Variants in RAD54L2 observed in about 807,000 individuals in gnomAD.
RAD54L2 encodes helicase ARIP4.
A neutral mutation model predicts 138.4 loss-of-function variants in RAD54L2; 27 were observed. The ratio of observed to expected loss-of-function variants is 0.20; its 90% CI spans 0.14 to 0.27. RAD54L2 has a LOEUF of 0.27. Ranked by LOEUF, RAD54L2 falls within the 10% of genes least tolerant of loss-of-function variation. The pLI is 1.00. For synonymous variants in RAD54L2, 644 were observed against 723.2 expected (o/e 0.89, Z 1.76); for missense variants, 1,396 against 1,890.2 (o/e 0.74, Z 4.85).
At chr3:51,540,386 T>A (rs782347252) in intron 1 of RAD54L2, among the ~76,000 whole-genome samples, 2 of 152,216 alleles carry the variant, frequency 1.3e-5, no homozygotes, top group Non-Finnish European at 2.9e-5. Flanking sequence ...ACTAGAAGTA[T>A]TATCCATCTT....
intron 2 of RAD54L2, among the ~76,000 whole-genome samples, chr3:51,588,832 A>T (rs1487403092): frequency 6.6e-6 from 1 of 152,096 alleles, no homozygotes; most frequent in Non-Finnish European, 1.5e-5. Context: ...ACTTGGGTAA[A>T]ACATACTTCT....
At position 51,633,717 on chromosome 3, in the gene RAD54L2, C is replaced by G. The variant is rs761400009; in HGVS notation, c.966C>G (p.Leu322=). The G allele has an allele frequency of 1.2e-6, 2 of 1,613,978 alleles. No individual in the cohort carries two copies. The highest frequency in any genetic ancestry group is 2.2e-5 in the South Asian group (2 of 91,074). The change falls in exon 8 of 23, where the codon CTC becomes CTG. Residue 322 remains leucine, a synonymous_variant. Coordinates refer to ENST00000684192, the MANE Select transcript of RAD54L2 (RefSeq NM_015106.4). ...AAGTGATCTCTTTCATCGACGTCCT[C>G]TTCCGCCACACGCCAGCCAAAACAG... is the stretch of plus-strand genomic sequence containing the variant. The part of the protein sequence containing the change: ...TLQVISFIDV[L]FRHTPAKTVL...
intron 21 of RAD54L2, among the ~76,000 whole-genome samples, chr3:51,658,961 T>C (rs1701680561): frequency 6.6e-6 from 1 of 152,102 alleles, no homozygotes; most frequent in Admixed American, 6.5e-5. Flanking sequence ...ATTATATGAA[T>C]TTCACATTTC....
Position 51,643,846 on chromosome 3 carries a change from C to T in RAD54L2, c.2351-29C>T, listed in dbSNP as rs902096661. 5.9e-6 allele frequency: 9 copies of T among 1,517,864 alleles called. No individual in the cohort carries two copies. In the African/African-American group the frequency reaches 1.1e-4, roughly 19 times the overall value. 94.0% of individuals were successfully genotyped at this position (1,517,864 alleles called of 1,614,324 possible). On this transcript the variant is annotated intron_variant, in intron 15 of 22. Transcript: ENST00000684192. ...CTGTATATCCTTGCTCTAATATATC[C>T]ACTGCTTATGGTTTTCCTTCCTTCC... is the stretch of plus-strand genomic sequence containing the variant.
rs1169939947 is a variant in RAD54L2 at position 51,666,174 on chromosome 3, C to CTTTTTTTTTTTTTTTTTTT, written c.*2771_*2789dup. The CTTTTTTTTTTTTTTTTTTT allele has an allele frequency of 3.4e-5, 2 of 58,706 alleles. No homozygotes were observed. The highest frequency in any genetic ancestry group is 8.4e-5 in the African/African-American group (1 of 11,836). 3.6% of individuals were successfully genotyped at this position (58,706 alleles called of 1,614,324 possible). On this transcript the variant is annotated 3_prime_UTR_variant, in exon 23 of 23. Coordinates refer to ENST00000684192, the MANE Select transcript of RAD54L2 (RefSeq NM_015106.4). ...AGTGCTACCAGGTCCATGGTTTTTG[C>CTTTTTTTTTTTTTTTTTTT]TTTTTTTTTTTTTTTTTTTTTTTTT...
At chr3:51,544,849 TC>T (rs1354813897) in intron 2 of RAD54L2, among the ~76,000 whole-genome samples, 1 of 152,104 alleles carries the variant, frequency 6.6e-6, no homozygotes, top group Non-Finnish European at 1.5e-5. Flanking sequence ...GATCTGCCCA[TC>T]TTGGCCTCCC....
At chr3:51,614,075 A>G (rs915607050) in intron 3 of RAD54L2, among the ~76,000 whole-genome samples, 2 of 152,148 alleles carry the variant, frequency 1.3e-5, no homozygotes, top group Admixed American at 6.5e-5. Context: ...TAGCCCTGCT[A>G]TCTTTTAAAA....
rs778730370 is a variant in RAD54L2 at position 51,633,960 on chromosome 3, C to T, written c.1067C>T (p.Ala356Val). ...AACATGTGGCTTCCACCTCCTGAAGCCCTCCCGGCTGACAACAAGCCTGAA... is the reference window on the plus strand; with the variant it reads ...AACATGTGGCTTCCACCTCCTGAAGTCCTCCCGGCTGACAACAAGCCTGAA... ...EFNMWLPPPE[A>V]LPADNKPEEV... is the part of the protein sequence containing the mutation. The change falls in exon 9 of 23, where the codon GCC becomes GTC. Residue 356 changes from alanine to valine, a missense_variant. Ala to Val is a moderately conservative substitution (Grantham distance 64, BLOSUM62 0). Coordinates refer to ENST00000684192, the MANE Select transcript of RAD54L2 (RefSeq NM_015106.4). The T allele has an allele frequency of 6.2e-7, 1 of 1,613,758 alleles. No individual in the cohort carries two copies. Among genetic ancestry groups the T allele is most frequent in the African/African-American group, 1.3e-5 (1 of 74,912 alleles).
intron 4 of RAD54L2, among the ~76,000 whole-genome samples, chr3:51,628,609 T>TG (rs1318547677): frequency 6.6e-6 from 1 of 151,492 alleles, no homozygotes; most frequent in Non-Finnish European, 1.5e-5. Flanking sequence ...GAACTGGTCT[T>TG]GAACTCCTGG....
At chr3:51,629,601 G>A in intron 5 of RAD54L2, 128 bp downstream of exon 5, 3 of 1,205,142 alleles carry the variant, frequency 2.5e-6, no homozygotes, top group South Asian at 1.6e-5. Context: ...GCTCACGCCT[G>A]TAATCCCAGC....
intron 3 of RAD54L2, among the ~76,000 whole-genome samples, chr3:51,618,282 C>T (rs1178295475): frequency 6.6e-6 from 1 of 151,922 alleles, no homozygotes; most frequent in African/African-American, 2.4e-5. Flanking sequence ...AGATTGTGGC[C>T]AGATTGTGAC....
intron 2 of RAD54L2, among the ~76,000 whole-genome samples, chr3:51,555,231 C>G (rs1698935049): frequency 6.6e-6 from 1 of 152,118 alleles, no homozygotes; most frequent in Admixed American, 6.6e-5. Flanking sequence ...AAAGCCTCTC[C>G]CCTCCCCCAC....
chr3:51,560,604 G>T (rs972430021), intron 2 of RAD54L2, among the ~76,000 whole-genome samples: 1 of 151,968 alleles, frequency 6.6e-6, no homozygotes, highest in African/African-American at 2.4e-5. Flanking sequence ...TGATCCACCT[G>T]CCTCTGCCTC....
chr3:51,621,711 T>A lies in RAD54L2; in HGVS notation c.140-5842T>A, dbSNP rs1022634739. 3.3e-5 allele frequency among the ~76,000 whole-genome samples: 5 copies of A among 152,194 alleles called. No homozygotes were observed. In the South Asian group the frequency reaches 1.0e-3, roughly 31 times the overall value. ...ACTGTTCCTCCAAGTGATTGCTCAA[T>A]AAATTTGCTTGTGAAATAGAAACAA... On this transcript the variant is annotated intron_variant, in intron 3 of 22. Coordinates refer to ENST00000684192, the MANE Select transcript of RAD54L2 (RefSeq NM_015106.4).
chr3:51,583,615 C>T (rs1412738447), intron 2 of RAD54L2, among the ~76,000 whole-genome samples: 7 of 143,142 alleles, frequency 4.9e-5, no homozygotes, highest in East Asian at 4.1e-4. Context: ...TTAGTAGAGA[C>T]GGGATTTCTC....
chr3:51,645,017 T>G lies in RAD54L2; in HGVS notation c.2451-7T>G, dbSNP rs1346712632. Reference sequence around the variant, plus strand: ...AGGCTCTGTGATTGTTGGCTTGTCTTTTAAAGGGCCGGATGCTTGGGTGTG... The same window carrying G: ...AGGCTCTGTGATTGTTGGCTTGTCTGTTAAAGGGCCGGATGCTTGGGTGTG... On this transcript the variant is annotated splice_region_variant and splice_polypyrimidine_tract_variant and intron_variant, in intron 16 of 22. Coordinates refer to ENST00000684192, the MANE Select transcript of RAD54L2 (RefSeq NM_015106.4). This position sits in a 1 kb window ranked among gnomAD's most constrained non-coding sequence, Gnocchi z 6.1. The G allele has an allele frequency of 6.2e-7, 1 of 1,612,970 alleles. No homozygotes were observed. Among genetic ancestry groups the G allele is most frequent in the South Asian group, 1.1e-5 (1 of 91,030 alleles).
intron 2 of RAD54L2, among the ~76,000 whole-genome samples, chr3:51,585,884 A>G (rs1005368684): frequency 6.6e-6 from 1 of 152,190 alleles, no homozygotes; most frequent in Non-Finnish European, 1.5e-5. Context: ...ATTAAGGTGC[A>G]GCATACCCAT....
At chr3:51,571,221 C>CA (rs1316870739) in intron 2 of RAD54L2, among the ~76,000 whole-genome samples, 3 of 152,032 alleles carry the variant, frequency 2.0e-5, no homozygotes, top group African/African-American at 7.2e-5. Context: ...CCACTTTTTC[C>CA]ATTAAAATAT....
chr3:51,547,376 A>G (rs79892637), intron 2 of RAD54L2, among the ~76,000 whole-genome samples: 1 of 144,028 alleles, frequency 6.9e-6, no homozygotes, highest in African/African-American at 2.5e-5. Flanking sequence ...ACTCTGCCTC[A>G]AAAAAAAAAA....
Sources: allele counts gnomAD v4.1 joint callset (sites outside exome capture counted in the v4.1 genomes callset), GRCh38; gene constraint gnomAD v4.1.1; non-coding constraint Gnocchi (gnomAD v3.1); transcripts MANE v1.5; gene names NCBI Gene and HGNC (gene_info 2026-07-23, HGNC 2026-07-21).